The following MBD5 variants were observed in gnomAD, a reference collection of about 807,000 sequenced individuals.
MBD5 encodes the protein methyl-CpG-binding domain protein 5.
MBD5 carries 13 observed loss-of-function variants against 117.3 expected under a neutral mutation model. That is an observed-to-expected ratio of 0.11 (90% CI 0.07 to 0.18). The LOEUF (loss-of-function observed/expected upper bound fraction) is 0.18. Among genes scored for constraint, MBD5 ranks in the 10% least tolerant of loss-of-function variants. The probability of loss-of-function intolerance (pLI) is 1.00; values close to 1 mark genes in which losing one functional copy is unlikely to be tolerated. For synonymous variants in MBD5, 727 were observed against 766.4 expected, an observed-to-expected ratio of 0.95 and a Z score of 0.85; for missense variants, 1,879 against 2,093.8, an observed-to-expected ratio of 0.90 and a Z score of 2.00.
At chr2:148,300,742 G>A (rs1000086650) in intron 3 of MBD5, among the ~76,000 whole-genome samples, 3 of 152,076 alleles carry the variant, frequency 2.0e-5, no homozygotes, top group Non-Finnish European at 4.4e-5. Context: ...CCATAAACAG[G>A]ACTGCCAATC....
At chr2:148,215,551 T>C (rs1045117645) in intron 2 of MBD5, among the ~76,000 whole-genome samples, 8 of 152,100 alleles carry the variant, frequency 5.3e-5, no homozygotes, top group African/African-American at 1.9e-4. Flanking sequence ...GGGGTTTTTT[T>C]TCGAGACAAG....
chr2:148,195,839 C>G (rs2105926932), intron 2 of MBD5, among the ~76,000 whole-genome samples: 1 of 152,290 alleles, frequency 6.6e-6, no homozygotes, highest in South Asian at 2.1e-4. Flanking sequence ...ATATCTTGAA[C>G]TGAATTGTGA....
At chr2:148,285,753 G>C (rs1359755973) in intron 3 of MBD5, among the ~76,000 whole-genome samples, 1 of 152,060 alleles carries the variant, frequency 6.6e-6, no homozygotes, top group Non-Finnish European at 1.5e-5. Context: ...GAGGCAAGCT[G>C]TCACCATGTT....
intron 1 of MBD5, among the ~76,000 whole-genome samples, chr2:148,141,394 C>A (rs1174937715): frequency 6.6e-6 from 1 of 152,160 alleles, no homozygotes; most frequent in Non-Finnish European, 1.5e-5. Context: ...CCTACCCACT[C>A]ATTTCCTTTT....
At position 148,458,507 on chromosome 2, in the gene MBD5, T is replaced by TA; in HGVS notation, c.-251dup. ...TTCCTTAGTCAGAAGCACTCATTTT[T>TA]ACCCATGTAGACCATCCTTAGGAAT... On this transcript the variant is annotated 5_prime_UTR_variant, in exon 5 of 14. The change abolishes the stop of an existing upstream ORF in the 5' untranslated region. Transcript: ENST00000642680. 1.7e-6 allele frequency: 1 copy of TA among 589,020 alleles called. No homozygotes were observed. The highest frequency in any genetic ancestry group is 3.0e-6 in the Non-Finnish European group (1 of 330,930). 36.5% of individuals were successfully genotyped at this position (589,020 alleles called of 1,614,324 possible).
chr2:148,296,378 TG>T (rs1701649013), intron 3 of MBD5: 1 of 158,898 alleles, frequency 6.3e-6, no homozygotes, highest in Non-Finnish European at 1.4e-5. Flanking sequence ...CTTTTCCTTC[TG>T]TGTGGCTACA....
chr2:148,385,829 A>G, intron 4 of MBD5, among the ~76,000 whole-genome samples: 1 of 151,846 alleles, frequency 6.6e-6, no homozygotes, highest in East Asian at 1.9e-4. Flanking sequence ...ATGAAGCTGG[A>G]AACCATCATT....
intron 2 of MBD5, among the ~76,000 whole-genome samples, chr2:148,201,773 C>G (rs1699149203): frequency 6.6e-6 from 1 of 152,242 alleles, no homozygotes; most frequent in African/African-American, 2.4e-5. Flanking sequence ...TGGTTTCTCT[C>G]TCAGTGTGGC....
At chr2:148,478,663 A>T (rs1681049248) in intron 8 of MBD5, among the ~76,000 whole-genome samples, 2 of 152,172 alleles carry the variant, frequency 1.3e-5, no homozygotes, top group African/African-American at 2.4e-5. Context: ...GAGATCTCGC[A>T]CCAAAGTTTG....
intron 4 of MBD5, among the ~76,000 whole-genome samples, chr2:148,372,042 A>G (rs550528028): frequency 6.6e-6 from 1 of 152,266 alleles, no homozygotes; most frequent in South Asian, 2.1e-4. Flanking sequence ...CTGGACCATG[A>G]TAAGCTAATA....
At chr2:148,362,222 G>A (rs988514452) in intron 4 of MBD5, among the ~76,000 whole-genome samples, 2 of 152,340 alleles carry the variant, frequency 1.3e-5, no homozygotes, top group Non-Finnish European at 2.9e-5. Flanking sequence ...AGCGCAGCAA[G>A]CTAAGATCCA....
At chr2:148,495,484 A>G (rs1681672678) in intron 11 of MBD5, among the ~76,000 whole-genome samples, 1 of 152,148 alleles carries the variant, frequency 6.6e-6, no homozygotes, top group South Asian at 2.1e-4. Context: ...GTCTTCATAT[A>G]TCATTGCTCT....
intron 1 of MBD5, among the ~76,000 whole-genome samples, chr2:148,046,843 T>C (rs1240638483): frequency 2.0e-5 from 3 of 152,224 alleles, no homozygotes; most frequent in Non-Finnish European, 4.4e-5. Flanking sequence ...TTAAAAACCT[T>C]GTGGATTGTT....
At chr2:148,225,262 A>C (rs139271094) in intron 2 of MBD5, among the ~76,000 whole-genome samples, 112 of 152,250 alleles carry the variant, frequency 7.4e-4, no homozygotes, top group African/African-American at 2.5e-3. Context: ...ACTATCTTAT[A>C]ACCCATTATT....
chr2:148,284,306 A>T (rs966215519), intron 3 of MBD5, among the ~76,000 whole-genome samples: 3 of 152,204 alleles, frequency 2.0e-5, no homozygotes, highest in Admixed American at 6.5e-5. Flanking sequence ...ATAACCTTAA[A>T]TATTGTCATT....
At chr2:148,400,213 C>A (rs1704875456) in intron 4 of MBD5, among the ~76,000 whole-genome samples, 2 of 151,462 alleles carry the variant, frequency 1.3e-5, no homozygotes, top group African/African-American at 4.9e-5. Context: ...TTAACTTTTT[C>A]TTTTTTACTT....
At chr2:148,433,296 G>A (rs1026788242) in intron 4 of MBD5, among the ~76,000 whole-genome samples, 2 of 152,114 alleles carry the variant, frequency 1.3e-5, no homozygotes, top group African/African-American at 4.8e-5. Flanking sequence ...CATGTCATCT[G>A]CAAACAGGGG....
At chr2:148,104,309 A>G (rs1696312125) in intron 1 of MBD5, among the ~76,000 whole-genome samples, 1 of 152,146 alleles carries the variant, frequency 6.6e-6, no homozygotes, top group Non-Finnish European at 1.5e-5. Flanking sequence ...AGATGCATAC[A>G]TGAAAAAAAT....
At chr2:148,064,749 A>G (rs1199175361) in intron 1 of MBD5, among the ~76,000 whole-genome samples, 2 of 152,168 alleles carry the variant, frequency 1.3e-5, no homozygotes, top group African/African-American at 2.4e-5. Context: ...TGGAGGCTTT[A>G]TATTGGCTCA....
Sources: allele counts gnomAD v4.1 joint callset (sites outside exome capture counted in the v4.1 genomes callset), GRCh38; gene constraint gnomAD v4.1.1; transcripts MANE v1.5; gene names NCBI Gene and HGNC (gene_info 2026-07-23, HGNC 2026-07-21).